Variants in MALRD1 observed in about 807,000 individuals in gnomAD.
The protein encoded by MALRD1 is MAM and LDL-receptor class A domain-containing protein 1.
In MALRD1, 247 loss-of-function variants were observed where a neutral mutation model predicts 242.1. The ratio of observed to expected loss-of-function variants is 1.02; its 90% CI spans 0.92 to 1.13. MALRD1 has a LOEUF of 1.13. Ranked by LOEUF, MALRD1 falls within the 50% of genes most tolerant of loss-of-function variation. The pLI is 0.00. For missense variants in MALRD1, 2,989 were observed against 2,533.1 expected, an observed-to-expected ratio of 1.18 and a Z score of -3.86; for synonymous variants, 995 against 866.6, an observed-to-expected ratio of 1.15 and a Z score of -2.60.
At chr10:19,611,667 T>G (rs1043621099) in intron 35 of MALRD1, among the ~76,000 whole-genome samples, 3 of 152,052 alleles carry the variant, frequency 2.0e-5, no homozygotes, top group Non-Finnish European at 4.4e-5. Flanking sequence ...CTCCTGGAAA[T>G]ACTCAGCCTC....
chr10:19,714,645 C>T (rs1405854882), intron 38 of MALRD1, among the ~76,000 whole-genome samples: 1 of 152,124 alleles, frequency 6.6e-6, no homozygotes, highest in East Asian at 1.9e-4. Context: ...CTTCCCTGTC[C>T]CCCTCCCCGT....
chr10:19,463,333 A>G (rs1431708978), intron 29 of MALRD1, among the ~76,000 whole-genome samples: 2 of 151,812 alleles, frequency 1.3e-5, no homozygotes, highest in Non-Finnish European at 2.9e-5. Flanking sequence ...TCCACCTCCC[A>G]CCCTTTCCCG....
chr10:19,143,851 G>A (rs1298069882), intron 10 of MALRD1, among the ~76,000 whole-genome samples: 1 of 152,188 alleles, frequency 6.6e-6, no homozygotes, highest in Non-Finnish European at 1.5e-5. Context: ...AGAGAACCGA[G>A]GGATTAGACC....
chr10:19,407,956 T>C (rs575309384), intron 28 of MALRD1, among the ~76,000 whole-genome samples: 1 of 152,274 alleles, frequency 6.6e-6, no homozygotes, highest in African/African-American at 2.4e-5. Context: ...ATAACACTGT[T>C]ACCAAACACC....
intron 28 of MALRD1, among the ~76,000 whole-genome samples, chr10:19,413,445 C>G (rs868121059): frequency 2.1e-4 from 32 of 151,936 alleles, no homozygotes; most frequent in African/African-American, 4.1e-4. Context: ...CTGCTTTATA[C>G]TAGATTGAAT....
intron 18 of MALRD1, among the ~76,000 whole-genome samples, chr10:19,219,927 C>T (rs1309979484): frequency 2.0e-5 from 3 of 152,106 alleles, no homozygotes; most frequent in Non-Finnish European, 4.4e-5. Flanking sequence ...ACATCTATCA[C>T]TAAAACTTTG....
rs551824460 is a variant in MALRD1, at chr10:19,228,753, C to T, written c.2991+19073C>T. 2.0e-5 allele frequency among the ~76,000 whole-genome samples: 3 copies of T among 152,222 alleles called. No individual in the cohort carries two copies. The South Asian group carries it at 6.2e-4, about 32-fold the overall frequency. On this transcript the variant is annotated intron_variant, in intron 18 of 39. Coordinates refer to ENST00000454679, the MANE Select transcript of MALRD1 (RefSeq NM_001142308.3). ...TATATTGGAGTCTCTGATGAAATCA[C>T]ATGTCTAAAAATCTCAGCATGCTTT...
intron 28 of MALRD1, among the ~76,000 whole-genome samples, chr10:19,419,856 T>G (rs1270091162): frequency 6.6e-6 from 1 of 152,160 alleles, no homozygotes; most frequent in Admixed American, 6.6e-5. Context: ...AAATGTTTAT[T>G]GAATGGATCA....
intron 10 of MALRD1, among the ~76,000 whole-genome samples, chr10:19,142,099 G>A (rs911314037): frequency 4.0e-5 from 6 of 149,282 alleles, no homozygotes. Context: ...GTGAACCCGG[G>A]AGGCGGAGCT....
intron 33 of MALRD1, among the ~76,000 whole-genome samples, chr10:19,584,379 T>C (rs968124846): frequency 1.1e-4 from 17 of 152,164 alleles, no homozygotes; most frequent in Non-Finnish European, 2.5e-4. Flanking sequence ...TAAATTTCCC[T>C]CTACACACTG....
chr10:19,481,654 T>A (rs1246504823), intron 29 of MALRD1, among the ~76,000 whole-genome samples: 1 of 152,140 alleles, frequency 6.6e-6, no homozygotes, highest in Non-Finnish European at 1.5e-5. Flanking sequence ...TTATTTGTAA[T>A]AGGTTGCCAA....
At chr10:19,231,445 G>A (rs766934464) in intron 18 of MALRD1, among the ~76,000 whole-genome samples, 46 of 152,130 alleles carry the variant, frequency 3.0e-4, no homozygotes, top group Non-Finnish European at 5.9e-4. Flanking sequence ...CCATTGATGT[G>A]ATTCGGCTGT....
chr10:19,661,958 C>G (rs1027536385), intron 36 of MALRD1, among the ~76,000 whole-genome samples: 1 of 152,040 alleles, frequency 6.6e-6, no homozygotes, highest in Non-Finnish European at 1.5e-5. Flanking sequence ...ATAAGTACTT[C>G]AGGTTCAAAA....
chr10:19,563,029 CT>C (rs200084526), intron 32 of MALRD1, among the ~76,000 whole-genome samples: 3 of 151,676 alleles, frequency 2.0e-5, no homozygotes, highest in South Asian at 2.1e-4. Context: ...GTTTATTCAG[CT>C]TTTTTTTGTG....
intron 36 of MALRD1, among the ~76,000 whole-genome samples, chr10:19,639,585 C>A (rs1840294705): frequency 1.3e-5 from 2 of 152,104 alleles, no homozygotes; most frequent in African/African-American, 4.8e-5. Context: ...TCATGGGAAC[C>A]ATTAGTGTGC....
At chr10:19,177,693 A>G (rs1202513971) in intron 14 of MALRD1, among the ~76,000 whole-genome samples, 2 of 152,012 alleles carry the variant, frequency 1.3e-5, no homozygotes, top group Non-Finnish European at 2.9e-5. Context: ...TATTTAGAAA[A>G]CTGTGTATTT....
intron 4 of MALRD1, among the ~76,000 whole-genome samples, chr10:19,098,288 A>G (rs1163122864): frequency 1.3e-5 from 2 of 152,212 alleles, no homozygotes; most frequent in Non-Finnish European, 2.9e-5. Flanking sequence ...CCTTAAGTAT[A>G]AAAAGATACT....
At chr10:19,409,057 A>G (rs1265736653) in intron 28 of MALRD1, among the ~76,000 whole-genome samples, 1 of 152,224 alleles carries the variant, frequency 6.6e-6, no homozygotes, top group African/African-American at 2.4e-5. Flanking sequence ...ATTCTTTGTA[A>G]CAGCCAATAT....
At chr10:19,401,598 G>A (rs752936847) in intron 28 of MALRD1, among the ~76,000 whole-genome samples, 1 of 152,028 alleles carries the variant, frequency 6.6e-6, no homozygotes, top group Non-Finnish European at 1.5e-5. Context: ...TATTCATTCA[G>A]ACATTGACAT....
Sources: allele counts gnomAD v4.1 joint callset (sites outside exome capture counted in the v4.1 genomes callset), GRCh38; gene constraint gnomAD v4.1.1; transcripts MANE v1.5; gene names NCBI Gene and HGNC (gene_info 2026-07-23, HGNC 2026-07-21).